Variants in CALCOCO2 observed in about 807,000 individuals in gnomAD.
CALCOCO2 encodes the protein calcium-binding and coiled-coil domain-containing protein 2.
CALCOCO2 carries 42 observed loss-of-function variants against 62.5 expected under a neutral mutation model. The observed-to-expected ratio is 0.67, with a 90% CI of 0.53 to 0.87. CALCOCO2 has a LOEUF of 0.87. Among genes scored for constraint, CALCOCO2 ranks in the 40% least tolerant of loss-of-function variants. CALCOCO2 has a pLI of 0.00. For synonymous variants in CALCOCO2, 167 were observed against 173.0 expected, an observed-to-expected ratio of 0.97 and a Z score of 0.27; for missense variants, 456 against 515.0, an observed-to-expected ratio of 0.89 and a Z score of 1.11.
At chr17:48,862,601 A>G (rs1169018732) in intron 12 of CALCOCO2, among the ~76,000 whole-genome samples, 3 of 152,236 alleles carry the variant, frequency 2.0e-5, no homozygotes, top group African/African-American at 4.8e-5. Flanking sequence ...TGCCCCTTCA[A>G]GGCTAGAAGC....
At chr17:48,845,551 G>A (rs1284756278) in intron 2 of CALCOCO2, among the ~76,000 whole-genome samples, 2 of 146,404 alleles carry the variant, frequency 1.4e-5, no homozygotes, top group Admixed American at 1.3e-4. Context: ...CCAACATGGA[G>A]AAACCCTGTC....
rs900345553 is a variant in CALCOCO2 at position 48,851,146 on chromosome 17, C to A, written c.601C>A (p.Gln201Lys). ...NKKLELKVKEQKDYWETELLQ... is the reference protein window; with the variant it reads ...NKKLELKVKEKKDYWETELLQ... The stretch of plus-strand genomic sequence containing the variant: ...GAAGTTGGAACTGAAAGTGAAAGAA[C>A]AGAAGGACTATTGGGAGACAGAGCT... Residue 201 changes from glutamine (Q) to lysine (K), a missense_variant, in exon 6 of 13, where the codon CAG (glutamine) becomes AAG (lysine). By Grantham distance (53) the Gln-to-Lys change is moderately conservative. Around this residue, in one of 3 missense-constraint regions of CALCOCO2, gnomAD observed 236 missense variants for 225.3 expected, o/e 1.05. Transcript: ENST00000258947. 1 of 1,610,588 alleles carries A rather than the reference C, an allele frequency of 6.2e-7. No homozygotes were observed. Among genetic ancestry groups the A allele is most frequent in the African/African-American group, 1.3e-5 (1 of 74,830 alleles).
rs1567759308 is a variant in CALCOCO2, at chr17:48,858,030, A to AATAG, written c.1008+1845_1008+1848dup. On this transcript the variant is annotated intron_variant, in intron 10 of 12. Transcript: ENST00000258947. ...AATAGAATAGAATAGAATAGAATAG[A>AATAG]ATAGAATAGAATAGAAAATAGAATA... is the stretch of plus-strand genomic sequence containing the variant. 4.8e-3 allele frequency among the ~76,000 whole-genome samples: 70 copies of AATAG among 14,694 alleles called. 5 individuals are homozygous for AATAG. Among genetic ancestry groups the AATAG allele is most frequent in the African/African-American group, 8.9e-3 (68 of 7,662 alleles). 9.6% of individuals were successfully genotyped at this position (14,694 alleles called of 152,430 possible).
chr17:48,834,582 A>G (rs2039864974), intron 1 of CALCOCO2, among the ~76,000 whole-genome samples: 1 of 152,224 alleles, frequency 6.6e-6, no homozygotes, highest in Admixed American at 6.5e-5. Flanking sequence ...AGCTCGTCCC[A>G]CTAATTTTTC....
intron 7 of CALCOCO2, 59 bp downstream of exon 7, chr17:48,851,687 T>G: frequency 2.1e-6 from 2 of 970,440 alleles, no homozygotes; most frequent in East Asian, 4.8e-5. Context: ...CTGCTCCAAT[T>G]TGGTGGCCTA....
At position 48,857,417 on chromosome 17, in the gene CALCOCO2, G is replaced by A. The variant is rs572739651; in HGVS notation, c.1008+1230G>A. Among the ~76,000 whole-genome samples, 3 of 145,790 alleles carry A rather than the reference G, an allele frequency of 2.1e-5. No individual in the cohort carries two copies. The South Asian group carries it at 6.6e-4, about 32-fold the overall frequency. Reference sequence around the variant, plus strand: ...TCTCCATGTTGGTCAGGCTGGTCTCGAACTCCTGACCTGAGGTGATCCACC... The same window carrying A: ...TCTCCATGTTGGTCAGGCTGGTCTCAAACTCCTGACCTGAGGTGATCCACC... On this transcript the variant is annotated intron_variant, in intron 10 of 12. Coordinates refer to ENST00000258947, the MANE Select transcript of CALCOCO2 (RefSeq NM_005831.5).
chr17:48,860,862 C>T (rs2040317020), intron 11 of CALCOCO2, among the ~76,000 whole-genome samples: 2 of 152,116 alleles, frequency 1.3e-5, no homozygotes, highest in Non-Finnish European at 2.9e-5. Context: ...ATGACAGAAA[C>T]GTGCTCCACA....
At chr17:48,833,383 C>T (rs895268245) in intron 1 of CALCOCO2, among the ~76,000 whole-genome samples, 3 of 151,880 alleles carry the variant, frequency 2.0e-5, no homozygotes, top group Admixed American at 6.6e-5. Flanking sequence ...AGTGAAACCC[C>T]GTCTCTACTA....
rs369797247 is a variant in CALCOCO2, at chr17:48,852,803, C to T, written c.826-123C>T. The T allele has an allele frequency of 6.8e-5, 66 of 970,086 alleles. No individual in the cohort carries two copies. In the East Asian group the frequency reaches 7.2e-4, roughly 11 times the overall value. 60.1% of individuals were successfully genotyped at this position (970,086 alleles called of 1,614,324 possible). ...GCTCATGGCTTTCTTCAGAAACTGACGAGAGAAGACTTGCCTCTCCCTATG... is the reference window on the plus strand; with the variant it reads ...GCTCATGGCTTTCTTCAGAAACTGATGAGAGAAGACTTGCCTCTCCCTATG... On this transcript the variant is annotated intron_variant, in intron 8 of 12. Coordinates refer to ENST00000258947, the MANE Select transcript of CALCOCO2 (RefSeq NM_005831.5).
At position 48,863,205 on chromosome 17, in the gene CALCOCO2, AC is replaced by A; in HGVS notation, c.*202del. ...TCTGCTGCCATCCTTGTGGGTTGCTACCTTTAAGTCGCATAACTCTAGCTGT... is the reference window on the plus strand; with the variant it reads ...TCTGCTGCCATCCTTGTGGGTTGCTACTTTAAGTCGCATAACTCTAGCTGT... On this transcript the variant is annotated 3_prime_UTR_variant, in exon 13 of 13. Transcript: ENST00000258947. 1 of 541,808 alleles carries A rather than the reference AC, an allele frequency of 1.8e-6. No individual in the cohort carries two copies. The highest frequency in any genetic ancestry group is 3.3e-6 in the Non-Finnish European group (1 of 299,566). The allele number at this position is 541,808 out of a possible 1,614,324, so 33.6% of individuals were successfully genotyped here.
intron 1 of CALCOCO2, among the ~76,000 whole-genome samples, chr17:48,836,438 CT>C (rs540298665): frequency 2.6e-5 from 4 of 152,218 alleles, no homozygotes; most frequent in Non-Finnish European, 5.9e-5. Context: ...CAGAGTCACC[CT>C]TACCATTGTT....
At chr17:48,858,067 AATAG>A (rs2040269092) in intron 10 of CALCOCO2, among the ~76,000 whole-genome samples, 3 of 146,624 alleles carry the variant, frequency 2.0e-5, no homozygotes, top group Admixed American at 1.4e-4. Context: ...AATAGAATAG[AATAG>A]AATTTTACCA....
At chr17:48,856,245 G>A in intron 10 of CALCOCO2, 58 bp downstream of exon 10, 2 of 920,884 alleles carry the variant, frequency 2.2e-6, no homozygotes, top group East Asian at 2.4e-5. Context: ...GATCAGGGTG[G>A]CCCAGAGATG....
intron 10 of CALCOCO2, among the ~76,000 whole-genome samples, chr17:48,857,703 G>A (rs185200779): frequency 8.1e-5 from 12 of 148,872 alleles, no homozygotes; most frequent in East Asian, 6.1e-4. Flanking sequence ...GGCTGGGCGC[G>A]GTGGCTCACG....
In CALCOCO2 at chr17:48,862,857, C is replaced by G. The variant is rs902176516; in HGVS notation, c.1193C>G (p.Pro398Arg). ...TCCCAGCTCTCCATCAAGAAATGCC[C>G]TATCTGCAAAGCAGATGATATTTGT... ...SPSPLSIKKC[P>R]ICKADDICDH... Residue 398 changes from proline to arginine, a missense_variant, in exon 13 of 13, where the codon CCT (proline) becomes CGT (arginine). Physicochemically the swap from Pro to Arg is moderately radical, Grantham distance 103. Transcript: ENST00000258947. 5 of 1,614,030 alleles carry G rather than the reference C, an allele frequency of 3.1e-6. No individual in the cohort carries two copies. The highest frequency in any genetic ancestry group is 4.2e-6 in the Non-Finnish European group (5 of 1,179,876).
intron 10 of CALCOCO2, 133 bp downstream of exon 10, chr17:48,856,320 C>T (rs924930401): frequency 5.8e-5 from 33 of 570,880 alleles, no homozygotes; most frequent in Middle Eastern, 2.7e-4. Flanking sequence ...TGTTCCTAAA[C>T]GAAGAGTAAA....
intron 4 of CALCOCO2, 47 bp downstream of exon 4, chr17:48,848,502 C>G: frequency 6.4e-7 from 1 of 1,557,274 alleles, no homozygotes; most frequent in Non-Finnish European, 8.9e-7. Context: ...TTACGGGTAG[C>G]AATATAGGAT....
intron 2 of CALCOCO2, among the ~76,000 whole-genome samples, chr17:48,847,315 G>A (rs892763030): frequency 6.6e-6 from 1 of 152,118 alleles, no homozygotes; most frequent in African/African-American, 2.4e-5. Flanking sequence ...CACACCAATA[G>A]AGAGGGCAGG....
At chr17:48,852,782 A>C (rs1376338806) in intron 8 of CALCOCO2, 144 bp from the exon 9 acceptor site, 2 of 976,476 alleles carry the variant, frequency 2.0e-6, no homozygotes, top group East Asian at 5.2e-5. Flanking sequence ...GAGATAGCTC[A>C]TGGCTTTCTT....
Sources: gnomAD v4.1 joint callset for allele counts (sites outside exome capture counted in the v4.1 genomes callset) on GRCh38, gnomAD v4.1.1 for gene constraint, gnomAD v4.1.1 regional missense constraint, MANE v1.5 for transcripts, NCBI Gene and HGNC (gene_info 2026-07-23, HGNC 2026-07-21) for gene names.